The following PPP2R3B variants were observed in gnomAD, a reference collection of about 807,000 sequenced individuals.
PPP2R3B encodes the protein protein phosphatase 2 regulatory subunit B''beta, also known as serine/threonine-protein phosphatase 2A regulatory subunit B'' subunit beta.
PPP2R3B carries 68 observed loss-of-function variants against 72.9 expected under a neutral mutation model. The ratio of observed to expected loss-of-function variants is 0.93; its 90% CI spans 0.77 to 1.14. PPP2R3B has a LOEUF of 1.14. Ranked by LOEUF, PPP2R3B falls within the 50% of genes most tolerant of loss-of-function variation. The pLI is 0.00. For missense variants in PPP2R3B, 1,018 were observed against 842.0 expected (o/e 1.21, Z -2.59); for synonymous variants, 466 against 375.8 (o/e 1.24, Z -2.78).
At chrX:347,179 AGACGCGGGCCCTCCCGTG>A (rs1310817893) in intron 4 of PPP2R3B, 37 bp downstream of exon 4, 1 of 88,018 alleles carries the variant, frequency 1.1e-5, no homozygotes, top group African/African-American at 8.3e-5. Flanking sequence ...CATGCGGTGT[AGACGCGGGCCCTCCCGTG>A]AAGGATAAGG....
intron 1 of PPP2R3B, among the ~76,000 whole-genome samples, chrX:378,849 G>A (rs1009646241): frequency 7.9e-5 from 12 of 152,320 alleles, no homozygotes; most frequent in African/African-American, 2.9e-4. Flanking sequence ...AGAACTGAAC[G>A]CAGACAGGCA....
chrX:357,051 T>G (rs1016643545), intron 2 of PPP2R3B, among the ~76,000 whole-genome samples: 1 of 152,126 alleles, frequency 6.6e-6, no homozygotes, highest in African/African-American at 2.4e-5. Context: ...CAAAATAAAA[T>G]TTAAAATAAA....
intron 6 of PPP2R3B, 95 bp downstream of exon 6, chrX:346,079 G>GGA: frequency 1.7e-6 from 1 of 586,292 alleles, no homozygotes; most frequent in Non-Finnish European, 2.8e-6. Context: ...GGGGGTGGGA[G>GGA]GGGAGGAGGG....
chrX:353,856 G>GGGGGCTCATCCAGGGAGCA (rs1556162735), intron 2 of PPP2R3B, among the ~76,000 whole-genome samples: 1 of 109,892 alleles, frequency 9.1e-6, no homozygotes, highest in Non-Finnish European at 1.9e-5. Context: ...CCCAGGGACC[G>GGGGGCTCATCCAGGGAGCA]GGGGCTCACC....
At chrX:360,866 G>A (rs1458983913) in intron 2 of PPP2R3B, among the ~76,000 whole-genome samples, 3 of 152,226 alleles carry the variant, frequency 2.0e-5, no homozygotes, top group Admixed American at 6.5e-5. Flanking sequence ...CAGGCGGTCA[G>A]CCTGGAGAGC....
intron 2 of PPP2R3B, among the ~76,000 whole-genome samples, chrX:349,802 G>A (rs1288679037): frequency 6.6e-6 from 1 of 152,198 alleles, no homozygotes; most frequent in Non-Finnish European, 1.5e-5. Context: ...CACACACAGT[G>A]TCTACAAAGC....
Position 347,809 on chromosome X carries a change from G to A in PPP2R3B, c.511-116C>T, listed in dbSNP as rs2071254911. 6 of 740,722 alleles carry A rather than the reference G, an allele frequency of 8.1e-6. No homozygotes were observed. In the East Asian group the frequency reaches 1.7e-4, roughly 20 times the overall value. The allele number at this position is 740,722 out of a possible 1,614,324, so 45.9% of individuals were successfully genotyped here. A position where few individuals can be genotyped will look rare whatever the true frequency, so the allele number is the denominator to read the frequency against. ...AGACCCTCTGCTGCAGAAAGACACA[G>A]CACGCTCAGCGCGGCCTGTCTGGGC... On this transcript the variant is annotated intron_variant, in intron 2 of 12. Coordinates refer to ENST00000390665, the MANE Select transcript of PPP2R3B (RefSeq NM_013239.5).
intron 2 of PPP2R3B, 133 bp downstream of exon 2, chrX:361,272 T>G: frequency 9.7e-7 from 1 of 1,028,220 alleles, no homozygotes; most frequent in Non-Finnish European, 1.4e-6. Context: ...CGCACACGTG[T>G]GAAACGCACC....
Position 338,690 on chromosome X carries a change from G to A in PPP2R3B, c.1491C>T (p.Pro497=), listed in dbSNP as rs779398125. 7.4e-6 allele frequency: 12 copies of A among 1,611,496 alleles called. No homozygotes were observed. Among genetic ancestry groups the A allele is most frequent in the African/African-American group, 4.0e-5 (3 of 74,874 alleles). The change falls in exon 12 of 13, where the codon CCC becomes CCT. Residue 497 remains proline, a synonymous_variant. Coordinates refer to ENST00000390665, the MANE Select transcript of PPP2R3B (RefSeq NM_013239.5). ...SLLRDGDSGG[P]ELSDWEKYAA... ...CGTACTTCTCCCAGTCCGAGAGCTC[G>A]GGGCCGCCGCTGTCACCGTCCTGGA...
At chrX:379,344 G>A (rs1043285410) in intron 1 of PPP2R3B, among the ~76,000 whole-genome samples, 4 of 146,910 alleles carry the variant, frequency 2.7e-5, no homozygotes, top group Admixed American at 1.3e-4. Context: ...CACCTGTTAT[G>A]CACCTGTGTG....
In PPP2R3B at chrX:386,719, G is replaced by A. The variant is rs756794219; in HGVS notation, c.-28C>T. 8.2e-7 allele frequency: 1 copy of A among 1,223,752 alleles called. No individual in the cohort carries two copies. The highest frequency in any genetic ancestry group is 3.5e-5 in the South Asian group (1 of 28,394). 75.8% of individuals were successfully genotyped at this position (1,223,752 alleles called of 1,614,324 possible). A position where few individuals can be genotyped will look rare whatever the true frequency, so the allele number is the denominator to read the frequency against. On this transcript the variant is annotated 5_prime_UTR_variant, in exon 1 of 13. Coordinates refer to ENST00000390665, the MANE Select transcript of PPP2R3B (RefSeq NM_013239.5). ...CGGGGGCTGGGCCCGCGGCGCCCCC[G>A]GACGCCCGCGCCCCGCCCCGCCCCG...
intron 1 of PPP2R3B, among the ~76,000 whole-genome samples, chrX:380,802 A>G (rs2124414353): frequency 6.7e-6 from 1 of 150,318 alleles, no homozygotes; most frequent in Non-Finnish European, 1.5e-5. Context: ...AAAAAAAAAA[A>G]AAAAAAAAAG....
At chrX:339,276 G>GGGC (rs1556105695) in intron 10 of PPP2R3B, among the ~76,000 whole-genome samples, 4 of 150,042 alleles carry the variant, frequency 2.7e-5, no homozygotes, top group Non-Finnish European at 4.4e-5. Context: ...CATGGCCGGG[G>GGGC]GGGGCAGGGC....
chrX:341,474 G>A (rs1286009660), intron 8 of PPP2R3B, 78 bp from the exon 9 acceptor site: 9 of 1,479,768 alleles, frequency 6.1e-6, no homozygotes, highest in East Asian at 4.6e-5. Context: ...CTGTCCACGC[G>A]CCTCGGTGAG....
chrX:355,536 A>G (rs1205103299), intron 2 of PPP2R3B, among the ~76,000 whole-genome samples: 1 of 152,206 alleles, frequency 6.6e-6, no homozygotes, highest in East Asian at 1.9e-4. Context: ...TCGGGAAGAC[A>G]GCGTGCAGGT....
chrX:344,087 A>G (rs2071138511), intron 7 of PPP2R3B, among the ~76,000 whole-genome samples: 1 of 139,146 alleles, frequency 7.2e-6, no homozygotes, highest in Admixed American at 7.2e-5. Flanking sequence ...CGGGAGGGAG[A>G]CCTCACCAAC....
intron 2 of PPP2R3B, among the ~76,000 whole-genome samples, chrX:355,102 TG>T (rs2071410672): frequency 1.3e-5 from 2 of 148,860 alleles, no homozygotes; most frequent in South Asian, 4.3e-4. Context: ...GACCTGACCG[TG>T]CGTTAGAGAC....
At chrX:371,215 G>T (rs1427504433) in intron 1 of PPP2R3B, among the ~76,000 whole-genome samples, 1 of 152,110 alleles carries the variant, frequency 6.6e-6, no homozygotes. Context: ...TACATGCTGG[G>T]TCCTACAGTG....
chrX:337,143 C>T (rs1231604199), intron 12 of PPP2R3B: 7 of 151,904 alleles, frequency 4.6e-5, no homozygotes, highest in East Asian at 3.9e-4. Flanking sequence ...TGTGGTGGCG[C>T]GATCTCGGCT....
Sources: allele counts gnomAD v4.1 joint callset (sites outside exome capture counted in the v4.1 genomes callset), GRCh38; gene constraint gnomAD v4.1.1; transcripts MANE v1.5; gene names NCBI Gene and HGNC (gene_info 2026-07-23, HGNC 2026-07-21).